Variants in CELF5 observed in about 807,000 individuals in gnomAD.
The protein encoded by CELF5 is CUGBP Elav-like family member 5, also known as CUG-BP and ETR-3 like factor 5.
CELF5 carries 6 observed loss-of-function variants against 54.9 expected under a neutral mutation model. The ratio of observed to expected loss-of-function variants is 0.11; its 90% confidence interval spans 0.06 to 0.22. The LOEUF (loss-of-function observed/expected upper bound fraction) is 0.22. CELF5 is among the 10% of genes least tolerant of loss of function. CELF5 has a pLI of 1.00. For missense variants in CELF5, 401 were observed against 678.6 expected (o/e 0.59, Z 4.54); for synonymous variants, 271 against 290.9 (o/e 0.93, Z 0.70).
rs79622902 is a variant in CELF5 at position 3,259,517 on chromosome 19, A to G, written c.342+8450A>G. 3.9e-5 allele frequency among the ~76,000 whole-genome samples: 6 copies of G among 152,048 alleles called. No individual in the cohort carries two copies. In the East Asian group the frequency reaches 1.2e-3, roughly 29 times the overall value. On this transcript the variant is annotated intron_variant, in intron 2 of 12. Transcript: ENST00000292672. ...TCTCCCTGCTCACATCAGACACCAG[A>G]ATAAGCTCCCGATGGGGTAGACAGT...
At chr19:3,247,076 T>G (rs2079577296) in intron 1 of CELF5, among the ~76,000 whole-genome samples, 1 of 151,578 alleles carries the variant, frequency 6.6e-6, no homozygotes, top group Non-Finnish European at 1.5e-5. Flanking sequence ...ATGGAGGGGG[T>G]TGTGCTGGGG....
intron 1 of CELF5, among the ~76,000 whole-genome samples, chr19:3,243,492 G>C (rs372858695): frequency 6.6e-6 from 1 of 152,080 alleles, no homozygotes; most frequent in African/African-American, 2.4e-5. Flanking sequence ...ACGTTGCCTA[G>C]GCTGGTCTCG....
intron 2 of CELF5, among the ~76,000 whole-genome samples, chr19:3,252,507 G>A (rs1271106381): frequency 4.6e-5 from 7 of 152,188 alleles, no homozygotes; most frequent in African/African-American, 7.2e-5. Context: ...GTGAGCTCTG[G>A]GGCAGGGAGC....
At chr19:3,289,717 T>TAAAAAA (rs2080311965) in intron 10 of CELF5, among the ~76,000 whole-genome samples, 1 of 84,748 alleles carries the variant, frequency 1.2e-5, no homozygotes. Flanking sequence ...AAAAAAAAAT[T>TAAAAAA]AGCAACGCAT....
In CELF5 at chr19:3,240,624, G is replaced by A. The variant is rs796131692; in HGVS notation, c.260-10361G>A. Among the ~76,000 whole-genome samples the A allele has an allele frequency of 2.4e-4, 36 of 151,880 alleles. 1 individual carries two copies. The highest frequency in any genetic ancestry group is 8.2e-4 in the African/African-American group (34 of 41,412). ...ATTACAGACGTGAGCCACTGCGCCC[G>A]GCCCTACCACACACTTCTGAAAGCC... is the stretch of plus-strand genomic sequence containing the variant. On this transcript the variant is annotated intron_variant, in intron 1 of 12. Coordinates refer to ENST00000292672, the MANE Select transcript of CELF5 (RefSeq NM_021938.4).
chr19:3,293,433 G>A lies in CELF5; in HGVS notation c.1445G>A (p.Gly482Glu), dbSNP rs1466983263. 6 of 1,614,036 alleles carry A rather than the reference G, an allele frequency of 3.7e-6. No individual in the cohort carries two copies. Among genetic ancestry groups the A allele is most frequent in the Admixed American group, 1.7e-5 (1 of 60,020 alleles). Residue 482 changes from glycine (G) to glutamate (E), a missense_variant, in exon 12 of 13, where the codon GGA becomes GAA. By Grantham distance (98) the Gly-to-Glu change is moderately conservative (BLOSUM62 -2). Around this residue, in one of 6 missense-constraint regions of CELF5, gnomAD observed 59 missense variants for 128.8 expected, o/e 0.46. Coordinates refer to ENST00000292672, the MANE Select transcript of CELF5 (RefSeq NM_021938.4). ...KVQLKRPKDP[G>E]HPY ...CAGCTGAAGCGGCCCAAAGACCCGG[G>A]ACACCCCTACTGACCGCGCCCACAG...
chr19:3,296,192 G>C (rs2080441005), intron 12 of CELF5: 1 of 151,448 alleles, frequency 6.6e-6, no homozygotes, highest in Non-Finnish European at 1.5e-5. Context: ...GTCTTTGTGA[G>C]GGTGCCTCTG....
chr19:3,267,824 C>T (rs2079904120), intron 2 of CELF5, among the ~76,000 whole-genome samples: 1 of 152,000 alleles, frequency 6.6e-6, no homozygotes, highest in Admixed American at 6.6e-5. Context: ...GAGGTGGTCC[C>T]CTGGCAGGAC....
intron 1 of CELF5, among the ~76,000 whole-genome samples, chr19:3,225,286 C>T (rs1486326910): frequency 3.5e-5 from 4 of 113,594 alleles, no homozygotes. Context: ...CTCTCTCTCT[C>T]CCTTTCTCTT....
chr19:3,236,770 G>T (rs958316768), intron 1 of CELF5, among the ~76,000 whole-genome samples: 2 of 151,664 alleles, frequency 1.3e-5, no homozygotes, highest in African/African-American at 4.8e-5. Flanking sequence ...GATCACCTGA[G>T]GCCAGGAGTT....
At chr19:3,271,004 T>C (rs1381458039) in intron 2 of CELF5, among the ~76,000 whole-genome samples, 5 of 142,548 alleles carry the variant, frequency 3.5e-5, no homozygotes, top group Non-Finnish European at 7.7e-5. Flanking sequence ...CTCGTCCATC[T>C]CCAGAAGATT....
At chr19:3,230,077 CTCATTCATTCATTCATTCAT>C (rs113956897) in intron 1 of CELF5, among the ~76,000 whole-genome samples, 9 of 149,206 alleles carry the variant, frequency 6.0e-5, no homozygotes, top group African/African-American at 2.2e-4. Flanking sequence ...TAGGACCACA[CTCATTCATTCATTCATTCAT>C]TCATTCATTC....
At chr19:3,251,228 C>T (rs59721594) in intron 2 of CELF5, among the ~76,000 whole-genome samples, 161 bp downstream of exon 2, 9,954 of 152,066 alleles carry the variant, frequency 0.065, 878 homozygotes, top group East Asian at 0.44. Flanking sequence ...TAATAGTGTG[C>T]ATTTATTGAG....
At chr19:3,264,040 C>G (rs1315850312) in intron 2 of CELF5, among the ~76,000 whole-genome samples, 1 of 152,172 alleles carries the variant, frequency 6.6e-6, no homozygotes, top group East Asian at 1.9e-4. Flanking sequence ...CACCCCATGC[C>G]GTATTACTAA....
intron 2 of CELF5, among the ~76,000 whole-genome samples, chr19:3,265,515 T>C (rs1009691128): frequency 6.6e-6 from 1 of 152,188 alleles, no homozygotes; most frequent in South Asian, 2.1e-4. Flanking sequence ...TTTTGTTTTT[T>C]GTTTATTTTT....
At chr19:3,291,409 CA>C (rs1264194867) in intron 11 of CELF5, among the ~76,000 whole-genome samples, 2 of 151,548 alleles carry the variant, frequency 1.3e-5, no homozygotes, top group Admixed American at 6.6e-5. Flanking sequence ...ACTAAAAATA[CA>C]AAAAAATTAG....
chr19:3,269,271 G>A (rs957204484), intron 2 of CELF5, among the ~76,000 whole-genome samples: 11 of 152,108 alleles, frequency 7.2e-5, no homozygotes, highest in Admixed American at 7.2e-4. Flanking sequence ...TGCCTCCCGG[G>A]TTCAAGTGAT....
intron 10 of CELF5, chr19:3,286,830 C>T (rs1242091635): frequency 1.3e-5 from 2 of 150,208 alleles, no homozygotes; most frequent in Admixed American, 6.7e-5. Flanking sequence ...GTCAGGAGAT[C>T]GAGACCATCC....
chr19:3,245,951 A>G (rs1049669021), intron 1 of CELF5, among the ~76,000 whole-genome samples: 9 of 152,248 alleles, frequency 5.9e-5, no homozygotes, highest in African/African-American at 1.9e-4. Context: ...TGAAGCACTA[A>G]TAGAGCCCGA....
Sources: allele counts gnomAD v4.1 joint callset (sites outside exome capture counted in the v4.1 genomes callset), GRCh38; gene constraint gnomAD v4.1.1; regional missense constraint gnomAD v4.1.1; transcripts MANE v1.5; gene names NCBI Gene and HGNC (gene_info 2026-07-23, HGNC 2026-07-21).